The following SSX5 variants were observed in gnomAD, a reference collection of about 807,000 sequenced individuals.
The protein encoded by SSX5 is protein SSX5.
SSX5 carries 14 observed loss-of-function variants against 14.9 expected under a neutral mutation model. The ratio of observed to expected loss-of-function variants is 0.94; its 90% confidence interval spans 0.62 to 1.47. SSX5 has a LOEUF of 1.47. Ranked by LOEUF, SSX5 falls within the 40% of genes most tolerant of loss-of-function variation. SSX5 has a pLI of 0.00. For synonymous variants in SSX5, 70 were observed against 55.4 expected, an observed-to-expected ratio of 1.26 and a Z score of -1.17; for missense variants, 204 against 154.6, an observed-to-expected ratio of 1.32 and a Z score of -1.70.
chrX:48,195,216 C>A, intron 2 of SSX5, 74 bp downstream of exon 2: 1 of 1,205,207 alleles, frequency 8.3e-7, no homozygotes, highest in Non-Finnish European at 1.1e-6. Context: ...TACCTCTGTC[C>A]TCCCCTCCTC....
chrX:48,186,852 C>T lies in SSX5; in HGVS notation c.*9G>A, dbSNP rs138476997. 6.7e-6 allele frequency: 8 copies of T among 1,196,175 alleles called. No individual in the cohort carries two copies. Among genetic ancestry groups the T allele is most frequent in the Middle Eastern group, 3.2e-4 (1 of 3,130 alleles). ...TCATCATGGGCATGTGTCATATCCC[C>T]GAGGCTGAGGCAAGAAGCGAGAAGG... On this transcript the variant is annotated 3_prime_UTR_variant, in exon 8 of 8. Coordinates refer to ENST00000347757, the MANE Select transcript of SSX5 (RefSeq NM_175723.2).
chrX:48,186,751 T>G lies in SSX5; in HGVS notation c.*110A>C. 1 of 1,184,089 alleles carries G rather than the reference T, an allele frequency of 8.4e-7. No homozygotes were observed. The highest frequency in any genetic ancestry group is 1.1e-6 in the Non-Finnish European group (1 of 882,355). On this transcript the variant is annotated 3_prime_UTR_variant, in exon 8 of 8. Coordinates refer to ENST00000347757, the MANE Select transcript of SSX5 (RefSeq NM_175723.2). ...CTTTTCACTGTTGTGAACACTTGCT[T>G]TCACTTGCTATACACCTGATGACGA... is the stretch of plus-strand genomic sequence containing the variant.
intron 5 of SSX5, among the ~76,000 whole-genome samples, chrX:48,191,340 CCTT>C (rs1758980825): frequency 8.9e-6 from 1 of 111,896 alleles, no homozygotes; most frequent in Non-Finnish European, 1.9e-5. Context: ...CTTTCATGAT[CCTT>C]CTTTGAATTC....
intron 5 of SSX5, among the ~76,000 whole-genome samples, chrX:48,190,814 CCG>C (rs1462493148): frequency 9.0e-6 from 1 of 111,503 alleles, no homozygotes; most frequent in Non-Finnish European, 1.9e-5. Flanking sequence ...TACCAGCCTA[CCG>C]AGGCACCAAC....
rs1436430848 is a variant in SSX5, at chrX:48,186,222, C to T, written c.*639G>A. ...ATGAGAGGAGCAAACAACTGGGGAA[C>T]GTTTGCAAAGGTTTATTAACTGGCA... On this transcript the variant is annotated 3_prime_UTR_variant, in exon 8 of 8. Coordinates refer to ENST00000347757, the MANE Select transcript of SSX5 (RefSeq NM_175723.2). The T allele has an allele frequency of 7.2e-6, 1 of 139,606 alleles. No homozygotes were observed. Among genetic ancestry groups the T allele is most frequent in the Non-Finnish European group, 1.4e-5 (1 of 69,228 alleles). 11.5% of individuals were successfully genotyped at this position (139,606 alleles called of 1,213,427 possible).
chrX:48,194,782 A>G lies in SSX5; in HGVS notation c.142T>C (p.Tyr48His). Residue 48 changes from tyrosine to histidine, a missense_variant, in exon 3 of 8, where the codon TAT (tyrosine) becomes CAT (histidine). Coordinates refer to ENST00000347757, the MANE Select transcript of SSX5 (RefSeq NM_175723.2). ...EKMKASEKII[Y>H]VYMKRKYEAM... is the part of the protein sequence containing the mutation. ...TCATACTTTCTCTTCATATACACAT[A>G]GATGATTTTCTCCGAGGCTTTCATC... is the stretch of plus-strand genomic sequence containing the variant. 1 of 1,210,677 alleles carries G rather than the reference A, an allele frequency of 8.3e-7. No individual in the cohort carries two copies. Among genetic ancestry groups the G allele is most frequent in the African/African-American group, 1.7e-5 (1 of 57,655 alleles).
intron 2 of SSX5, 24 bp from the exon 3 acceptor site, chrX:48,194,878 G>T: frequency 1.7e-6 from 2 of 1,202,196 alleles, no homozygotes; most frequent in Non-Finnish European, 2.2e-6. Context: ...AAGGATTTCT[G>T]ATAGTGACTC....
intron 3 of SSX5, 112 bp from the exon 4 acceptor site, chrX:48,194,336 G>A: frequency 2.3e-6 from 2 of 857,847 alleles, no homozygotes; most frequent in Non-Finnish European, 3.4e-6. Context: ...ATTGCTTGAG[G>A]CCAGGAGTTT....
intron 6 of SSX5, among the ~76,000 whole-genome samples, chrX:48,188,729 A>T (rs1384814025): frequency 8.9e-6 from 1 of 112,559 alleles, no homozygotes; most frequent in Non-Finnish European, 1.9e-5. Context: ...TTAGTGAGGA[A>T]GCATGCTGAA....
At position 48,186,832 on chromosome X, in the gene SSX5, A is replaced by G; in HGVS notation, c.*29T>C. On this transcript the variant is annotated 3_prime_UTR_variant, in exon 8 of 8. Coordinates refer to ENST00000347757, the MANE Select transcript of SSX5 (RefSeq NM_175723.2). ...AGGTCACCACGTTCTGCTTCTCATC[A>G]TGGGCATGTGTCATATCCCCGAGGC... The G allele has an allele frequency of 8.3e-7, 1 of 1,198,107 alleles. No individual in the cohort carries two copies. The highest frequency in any genetic ancestry group is 1.1e-6 in the Non-Finnish European group (1 of 895,292).
Position 48,186,814 on chromosome X carries a change from C to G in SSX5, c.*47G>C, listed in dbSNP as rs782185119. Reference sequence around the variant, plus strand: ...CATGCCCATGTTCGTGAAAGGTCACCACGTTCTGCTTCTCATCATGGGCAT... The same window carrying G: ...CATGCCCATGTTCGTGAAAGGTCACGACGTTCTGCTTCTCATCATGGGCAT... On this transcript the variant is annotated 3_prime_UTR_variant, in exon 8 of 8. Transcript: ENST00000347757. The G allele has an allele frequency of 1.4e-4, 162 of 1,196,416 alleles. No individual in the cohort carries two copies. The highest frequency in any genetic ancestry group is 1.7e-4 in the Non-Finnish European group (156 of 895,040).
chrX:48,194,570 C>A (rs143800880), intron 3 of SSX5, among the ~76,000 whole-genome samples, 170 bp downstream of exon 3: 4 of 110,872 alleles, frequency 3.6e-5, no homozygotes, highest in African/African-American at 9.8e-5. Flanking sequence ...CAGTCCCTGC[C>A]CTCAGCCCTG....
intron 6 of SSX5, 69 bp downstream of exon 6, chrX:48,190,064 C>T (rs1410177573): frequency 2.5e-6 from 3 of 1,179,094 alleles, no homozygotes; most frequent in Non-Finnish European, 3.4e-6. Flanking sequence ...CCATGCCACA[C>T]ACCCAGTCCA....
chrX:48,194,456 G>A (rs1350011074), intron 3 of SSX5, among the ~76,000 whole-genome samples: 12 of 109,649 alleles, frequency 1.1e-4, no homozygotes, highest in Non-Finnish European at 2.3e-4. Context: ...AGGAAGGTAG[G>A]GACGATGGGG....
Position 48,186,398 on chromosome X carries a change from GTGTGTGCGCGCGCGCGCGCATGTGTGTCT to G in SSX5, c.*434_*462del, listed in dbSNP as rs2059396542. ...TGTGTGTGTGTGTGTGTGTGTGTGT[GTGTGTGCGCGCGCGCGCGCATGTGTGTCT>G]GTGTGGCATGTGTGTGTGTTTGTGT... is the stretch of plus-strand genomic sequence containing the variant. On this transcript the variant is annotated 3_prime_UTR_variant, in exon 8 of 8. Transcript: ENST00000347757. 1.7e-5 allele frequency: 4 copies of G among 239,765 alleles called. No individual in the cohort carries two copies. The highest frequency in any genetic ancestry group is 1.2e-4 in the African/African-American group (4 of 32,846). The allele number at this position is 239,765 out of a possible 1,213,427, so 19.8% of individuals were successfully genotyped here. A position where few individuals can be genotyped will look rare whatever the true frequency, so the allele number is the denominator to read the frequency against.
chrX:48,194,848 C>T lies in SSX5; in HGVS notation c.76G>A (p.Asp26Asn), dbSNP rs368860220. 11 of 1,201,116 alleles carry T rather than the reference C, an allele frequency of 9.2e-6. No homozygotes were observed. In the East Asian group the frequency reaches 1.8e-4, roughly 19 times the overall value. The part of the protein sequence containing the change: ...QIPEKMQKAF[D>N]DIAKYFSEKE... Reference sequence around the variant, plus strand: ...TCAGAGAAGTATTTGGCAATATCATCGAAGGCCTAGAAAAAAAAAAAGGAT... The same window carrying T: ...TCAGAGAAGTATTTGGCAATATCATTGAAGGCCTAGAAAAAAAAAAAGGAT... Residue 26 changes from aspartate (D) to asparagine (N), a missense_variant, in exon 3 of 8, where the codon GAT (aspartate) becomes AAT (asparagine). By Grantham distance (23) the Asp-to-Asn change is conservative. Transcript: ENST00000347757.
At chrX:48,188,058 G>A (rs1223730629) in intron 6 of SSX5, among the ~76,000 whole-genome samples, 3 of 111,732 alleles carry the variant, frequency 2.7e-5, no homozygotes, top group South Asian at 3.7e-4. Context: ...CCACACAGGC[G>A]TACCTTGTTT....
chrX:48,194,946 T>C (rs1409895450), intron 2 of SSX5, 92 bp from the exon 3 acceptor site: 10 of 1,207,925 alleles, frequency 8.3e-6, no homozygotes, highest in Non-Finnish European at 1.1e-5. Flanking sequence ...ATCTGGGAAG[T>C]AGGGATGATA....
chrX:48,190,852 G>T (rs1247086919), intron 5 of SSX5, among the ~76,000 whole-genome samples: 2 of 110,987 alleles, frequency 1.8e-5, no homozygotes, highest in Non-Finnish European at 1.9e-5. Context: ...CAGTGAGGTG[G>T]TACCCATAAC....
Sources: gnomAD v4.1 joint callset for allele counts (sites outside exome capture counted in the v4.1 genomes callset) on GRCh38, gnomAD v4.1.1 for gene constraint, MANE v1.5 for transcripts, NCBI Gene and HGNC (gene_info 2026-07-23, HGNC 2026-07-21) for gene names.